NDRG4: variants seen among roughly 807,000 people sequenced by gnomAD.
NDRG4 encodes protein NDRG4.
NDRG4 carries 38 observed loss-of-function variants against 55.8 expected under a neutral mutation model. The observed-to-expected ratio is 0.68, with a 90% CI of 0.53 to 0.89. The LOEUF (loss-of-function observed/expected upper bound fraction) is 0.89. Ranked by LOEUF, NDRG4 falls within the 40% of genes least tolerant of loss-of-function variation. The probability of loss-of-function intolerance (pLI) is 0.00; values close to 1 mark genes in which losing one functional copy is unlikely to be tolerated. For synonymous variants in NDRG4, 190 were observed against 182.7 expected, an observed-to-expected ratio of 1.04 and a Z score of -0.32; for missense variants, 455 against 468.6, an observed-to-expected ratio of 0.97 and a Z score of 0.27.
rs777800036 is a variant in NDRG4 at position 58,500,231 on chromosome 16, G to A, written c.-18G>A. 1.1e-4 allele frequency: 168 copies of A among 1,535,966 alleles called. 3 individuals carry two copies. The South Asian group carries it at 1.8e-3, about 17-fold the overall frequency. The stretch of plus-strand genomic sequence containing the variant: ...TGTTTGTCCTTCCTGGTAGAGGCGG[G>A]TTCCCTCCCTCGGCAAGATGCCGGA... On this transcript the variant is annotated 5_prime_UTR_variant, in exon 1 of 15. Coordinates refer to ENST00000570248, the MANE Select transcript of NDRG4 (RefSeq NM_001242835.2).
chr16:58,481,791 T>C (rs922277685), intron 1 of NDRG4, among the ~76,000 whole-genome samples: 1 of 152,020 alleles, frequency 6.6e-6, no homozygotes, highest in African/African-American at 2.4e-5. Flanking sequence ...TGAGGGAAGA[T>C]TGAGCCCCCA....
intron 1 of NDRG4, among the ~76,000 whole-genome samples, chr16:58,473,211 G>A (rs916482014): frequency 2.0e-5 from 3 of 151,916 alleles, no homozygotes; most frequent in South Asian, 2.1e-4. Context: ...CCAGGCTGGA[G>A]TACAGTTGCC....
In NDRG4 at chr16:58,464,583, A is replaced by G. The variant is rs1429504155; in HGVS notation, c.-24+786A>G. On this transcript the variant is annotated intron_variant, in intron 1 of 15. Transcript: ENST00000258187. The surrounding 1 kb of genome is among the most constrained non-coding windows in gnomAD (Gnocchi z 4.8). ...TGAGCAGGAAGGGGTGCGGACCCCAACTAAGTCCTAGTTTTGTGCTACCTG... is the reference window on the plus strand; with the variant it reads ...TGAGCAGGAAGGGGTGCGGACCCCAGCTAAGTCCTAGTTTTGTGCTACCTG... The G allele has an allele frequency of 1.7e-5, 17 of 1,025,010 alleles. No homozygotes were observed. Among genetic ancestry groups the G allele is most frequent in the East Asian group, 9.8e-5 (3 of 30,472 alleles). 63.5% of individuals were successfully genotyped at this position (1,025,010 alleles called of 1,614,324 possible).
chr16:58,464,257 G>T lies in NDRG4; in HGVS notation c.-24+460G>T, dbSNP rs966610724. 13 of 464,476 alleles carry T rather than the reference G, an allele frequency of 2.8e-5. No homozygotes were observed. Among genetic ancestry groups the T allele is most frequent in the Admixed American group, 8.9e-5 (2 of 22,490 alleles). 28.8% of individuals were successfully genotyped at this position (464,476 alleles called of 1,614,324 possible). A position where few individuals can be genotyped will look rare whatever the true frequency, so the allele number is the denominator to read the frequency against. On this transcript the variant is annotated intron_variant, in intron 1 of 15. Transcript: ENST00000258187. This position sits in a 1 kb window ranked among gnomAD's most constrained non-coding sequence, Gnocchi z 4.8. The stretch of plus-strand genomic sequence containing the variant: ...TGGATTTTTTTAAACCGTTTTGGAG[G>T]GGGGAGCGCGGCGTTGGGGGCGGGA...
At chr16:58,502,687 G>GC (rs1292994014) in intron 1 of NDRG4, among the ~76,000 whole-genome samples, 1 of 152,202 alleles carries the variant, frequency 6.6e-6, no homozygotes, top group Non-Finnish European at 1.5e-5. Flanking sequence ...TGGGTAACAT[G>GC]CAGGAAGCCT....
rs1466799483 is a variant in NDRG4, at chr16:58,513,220, GTGT to G, written c.*1646_*1648del. 1 of 151,374 alleles carries G rather than the reference GTGT, an allele frequency of 6.6e-6. No homozygotes were observed. The highest frequency in any genetic ancestry group is 2.0e-4 in the East Asian group (1 of 5,082). 9.4% of individuals were successfully genotyped at this position (151,374 alleles called of 1,614,324 possible). ...TGTACATCGGGTCCTCCCATGTGTG[GTGT>G]TCTTCTGGAGGTTGTCTCTTTGGTC... is the stretch of plus-strand genomic sequence containing the variant. On this transcript the variant is annotated 3_prime_UTR_variant, in exon 15 of 15. Transcript: ENST00000570248.
At chr16:58,506,699 T>C (rs2038078377) in intron 7 of NDRG4, 85 bp downstream of exon 7, 2 of 1,458,486 alleles carry the variant, frequency 1.4e-6, no homozygotes, top group Non-Finnish European at 1.9e-6. Context: ...CGGGTGTCTT[T>C]GGCATCTGAC....
intron 1 of NDRG4, among the ~76,000 whole-genome samples, chr16:58,475,093 T>C (rs1463850524): frequency 6.6e-6 from 1 of 152,210 alleles, no homozygotes; most frequent in African/African-American, 2.4e-5. Context: ...TATTGCAGAC[T>C]CCTGTGCCAG....
chr16:58,489,452 TAC>T (rs2035514116), intron 2 of NDRG4, among the ~76,000 whole-genome samples: 1 of 151,710 alleles, frequency 6.6e-6, no homozygotes, highest in African/African-American at 2.4e-5. Context: ...CTGCTTGGGA[TAC>T]ACTAGCCCAG....
chr16:58,487,292 G>A (rs971072392), intron 1 of NDRG4, among the ~76,000 whole-genome samples: 4 of 152,140 alleles, frequency 2.6e-5, no homozygotes, highest in South Asian at 2.1e-4. Context: ...AGACCAAGAC[G>A]GGTGGATCAC....
upstream of NDRG4, among the ~76,000 whole-genome samples, chr16:58,497,300 C>T (rs1231523821): frequency 2.6e-5 from 4 of 151,570 alleles, no homozygotes; most frequent in Non-Finnish European, 5.9e-5. Flanking sequence ...CCAGCCTGGG[C>T]AACAGAGCAA....
Position 58,513,166 on chromosome 16 carries a change from A to T in NDRG4, c.*1590A>T, listed in dbSNP as rs1051649262. On this transcript the variant is annotated 3_prime_UTR_variant, in exon 15 of 15. Coordinates refer to ENST00000570248, the MANE Select transcript of NDRG4 (RefSeq NM_001242835.2). ...ATGTATCTATAAATATCTATACATTATATGTGTGTGTGTGTGTGTGTGTGT... is the reference window on the plus strand; with the variant it reads ...ATGTATCTATAAATATCTATACATTTTATGTGTGTGTGTGTGTGTGTGTGT... 2.1e-5 allele frequency: 1 copy of T among 47,282 alleles called. No individual in the cohort carries two copies. The highest frequency in any genetic ancestry group is 1.1e-4 in the African/African-American group (1 of 9,506). The allele number at this position is 47,282 out of a possible 1,614,324, so 2.9% of individuals were successfully genotyped here.
chr16:58,495,800 C>G (rs1280212774), upstream of NDRG4, among the ~76,000 whole-genome samples: 6 of 152,180 alleles, frequency 3.9e-5, no homozygotes, highest in East Asian at 1.2e-3. Flanking sequence ...TCAGGGCAGC[C>G]AATGTACATG....
chr16:58,506,564 G>C lies in NDRG4; in HGVS notation c.466G>C (p.Gly156Arg). ...GGCGCCCTGCTCCCTGCAGCTCTCC[G>C]GCCTAACTAGCACTTTACCCGACAC... ...WIDWAATKLS[G>R]LTSTLPDTVL... The change falls in exon 7 of 15, where the codon GGC (glycine) becomes CGC (arginine). Residue 156 changes from glycine to arginine, a missense_variant. Transcript: ENST00000570248. 6 of 1,593,700 alleles carry C rather than the reference G, an allele frequency of 3.8e-6. No homozygotes were observed. The highest frequency in any genetic ancestry group is 5.1e-6 in the Non-Finnish European group (6 of 1,172,182).
In NDRG4 at chr16:58,509,333, C is replaced by A. The variant is rs1268965775; in HGVS notation, c.846C>A (p.Phe282Leu). ...AGCTGACTGAAGCCTTCAAATACTTCCTGCAAGGCATGGGCTACAGTGAGT... is the reference window on the plus strand; with the variant it reads ...AGCTGACTGAAGCCTTCAAATACTTACTGCAAGGCATGGGCTACAGTGAGT... ...PGKLTEAFKY[F>L]LQGMGYIAYL... The change falls in exon 13 of 15, where the codon TTC becomes TTA. Residue 282 changes from phenylalanine (F) to leucine (L), a missense_variant. Transcript: ENST00000570248. 1 of 1,613,994 alleles carries A rather than the reference C, an allele frequency of 6.2e-7. No individual in the cohort carries two copies.
chr16:58,465,158 A>G (rs1306985183), intron 1 of NDRG4: 14 of 1,263,052 alleles, frequency 1.1e-5, no homozygotes, highest in East Asian at 5.6e-5. Context: ...ACAGGAGGAA[A>G]GGAAAGCAAC....
chr16:58,493,809 G>C (rs747750200), intron 2 of NDRG4, among the ~76,000 whole-genome samples: 7 of 152,184 alleles, frequency 4.6e-5, no homozygotes, highest in Non-Finnish European at 8.8e-5. Flanking sequence ...GACGTGTGCT[G>C]GTCCCTGATT....
At position 58,504,384 on chromosome 16, in the gene NDRG4, C is replaced by G. The variant is rs1443666860; in HGVS notation, c.274C>G (p.Leu92Val). ...GTACCAGTTCCCCTCCATGGAGCAG[C>G]TGGCTGCCATGCTCCCCAGCGTGGT... The part of the protein sequence containing the change: ...QGYQFPSMEQ[L>V]AAMLPSVVQH... Residue 92 changes from leucine (L) to valine (V), a missense_variant, in exon 4 of 15, where the codon CTG becomes GTG. Leu to Val is a conservative substitution (Grantham distance 32). Coordinates refer to ENST00000570248, the MANE Select transcript of NDRG4 (RefSeq NM_001242835.2). 1.9e-6 allele frequency: 3 copies of G among 1,613,174 alleles called. No homozygotes were observed. Among genetic ancestry groups the G allele is most frequent in the Middle Eastern group, 1.6e-4 (1 of 6,062 alleles).
intron 1 of NDRG4, among the ~76,000 whole-genome samples, chr16:58,477,769 G>A (rs1459798497): frequency 6.7e-6 from 1 of 148,656 alleles, no homozygotes; most frequent in Non-Finnish European, 1.5e-5. Context: ...ATTAGCAGGG[G>A]TAAGGGGGGT....
Sources: allele counts gnomAD v4.1 joint callset (sites outside exome capture counted in the v4.1 genomes callset), GRCh38; gene constraint gnomAD v4.1.1; non-coding constraint Gnocchi (gnomAD v3.1); transcripts MANE v1.5; gene names NCBI Gene and HGNC (gene_info 2026-07-23, HGNC 2026-07-21).